COL24A1: variants seen among roughly 807,000 people sequenced by gnomAD.
COL24A1 encodes the protein collagen type XXIV alpha 1 chain.
COL24A1 carries 224 observed loss-of-function variants against 253.9 expected under a neutral mutation model. The observed-to-expected ratio is 0.88, with a 90% confidence interval of 0.79 to 0.99. COL24A1 has a LOEUF of 0.99. Among genes scored for constraint, COL24A1 ranks in the 50% least tolerant of loss-of-function variants. The pLI, the probability that COL24A1 is intolerant of heterozygous loss-of-function variation, is 0.00. For synonymous variants in COL24A1, 685 were observed against 673.7 expected (o/e 1.02, Z -0.26); for missense variants, 2,131 against 2,068.5 (o/e 1.03, Z -0.59).
intron 28 of COL24A1, 149 bp downstream of exon 28, chr1:85,907,045 G>A (rs1373537637): frequency 3.8e-5 from 21 of 553,304 alleles, no homozygotes; most frequent in Middle Eastern, 3.8e-4. Flanking sequence ...TTAACATAGG[G>A]CATTCATCTA....
chr1:85,868,440 T>G, intron 37 of COL24A1, 79 bp downstream of exon 37: 1 of 908,384 alleles, frequency 1.1e-6, no homozygotes. Flanking sequence ...GAGGTCAGAG[T>G]GTGTGTAGGT....
intron 12 of COL24A1, among the ~76,000 whole-genome samples, chr1:86,036,852 T>G (rs1571693021): frequency 6.6e-6 from 1 of 152,200 alleles, no homozygotes; most frequent in Admixed American, 6.6e-5. Flanking sequence ...TAGAAAATTA[T>G]TATCATTAAT....
At chr1:85,913,402 G>A (rs936310716) in intron 24 of COL24A1, among the ~76,000 whole-genome samples, 3 of 152,112 alleles carry the variant, frequency 2.0e-5, no homozygotes, top group Admixed American at 2.0e-4. Flanking sequence ...GTATTTTGGG[G>A]TCCAGGAATC....
chr1:85,864,160 T>C (rs1296783781), intron 37 of COL24A1, among the ~76,000 whole-genome samples: 1 of 152,070 alleles, frequency 6.6e-6, no homozygotes, highest in Non-Finnish European at 1.5e-5. Flanking sequence ...CAAATGTCCA[T>C]CAATGATAGA....
chr1:86,016,935 A>T (rs917655361), intron 19 of COL24A1, among the ~76,000 whole-genome samples: 1 of 152,214 alleles, frequency 6.6e-6, no homozygotes, highest in African/African-American at 2.4e-5. Context: ...GATCCTAATC[A>T]GTGTGAAAAT....
At chr1:86,050,588 A>G (rs1307283301) in intron 10 of COL24A1, among the ~76,000 whole-genome samples, 1 of 152,132 alleles carries the variant, frequency 6.6e-6, no homozygotes, top group Non-Finnish European at 1.5e-5. Context: ...GAAGGCTTCA[A>G]AGGAGATTAC....
At chr1:86,026,764 G>A (rs1213731169) in intron 14 of COL24A1, among the ~76,000 whole-genome samples, 1 of 152,180 alleles carries the variant, frequency 6.6e-6, no homozygotes, top group East Asian at 1.9e-4. Context: ...CTGGGTAACA[G>A]GCAGAGGCTG....
At position 85,783,624 on chromosome 1, in the gene COL24A1, T is replaced by C. The variant is rs139322616; in HGVS notation, c.4222-66A>G. 4,392 of 1,362,838 alleles carry C rather than the reference T, an allele frequency of 3.2e-3. 13 individuals carry two copies. Among genetic ancestry groups the C allele is most frequent in the Middle Eastern group, 5.1e-3 (28 of 5,502 alleles). The allele number at this position is 1,362,838 out of a possible 1,614,324, so 84.4% of individuals were successfully genotyped here. A position where few individuals can be genotyped will look rare whatever the true frequency, so the allele number is the denominator to read the frequency against. On this transcript the variant is annotated intron_variant, in intron 50 of 59. Transcript: ENST00000370571. Reference sequence around the variant, plus strand: ...TCTATATGAACATTTTACAAAACTATATAAATCTATCAAGAATTGCTCTTT... The same window carrying C: ...TCTATATGAACATTTTACAAAACTACATAAATCTATCAAGAATTGCTCTTT...
At chr1:85,777,765 A>G (rs1259200455) in intron 52 of COL24A1, among the ~76,000 whole-genome samples, 1 of 152,186 alleles carries the variant, frequency 6.6e-6, no homozygotes, top group Non-Finnish European at 1.5e-5. Flanking sequence ...CATTTTTACC[A>G]GTGATCAATG....
intron 16 of COL24A1, 80 bp from the exon 17 acceptor site, chr1:86,022,671 G>A (rs1320543994): frequency 7.0e-7 from 1 of 1,427,194 alleles, no homozygotes; most frequent in Non-Finnish European, 9.6e-7. Context: ...ATTCATTGTA[G>A]AAGAATAATT....
chr1:85,866,496 G>C (rs1679811717), intron 37 of COL24A1, among the ~76,000 whole-genome samples: 1 of 151,920 alleles, frequency 6.6e-6, no homozygotes, highest in Non-Finnish European at 1.5e-5. Context: ...TTTGGGAGCT[G>C]GGCATGGAGG....
chr1:86,050,982 A>G (rs1054947094), intron 10 of COL24A1, among the ~76,000 whole-genome samples: 1 of 152,164 alleles, frequency 6.6e-6, no homozygotes, highest in African/African-American at 2.4e-5. Context: ...TAGACTGTAT[A>G]TATTAGACAA....
In COL24A1 at chr1:86,124,826, TAA is replaced by T. The variant is rs755660305; in HGVS notation, c.1491+17_1491+18del. 41 of 1,299,470 alleles carry T rather than the reference TAA, an allele frequency of 3.2e-5. No individual in the cohort carries two copies. The highest frequency in any genetic ancestry group is 7.7e-5 in the African/African-American group (5 of 65,066). 80.5% of individuals were successfully genotyped at this position (1,299,470 alleles called of 1,614,324 possible). On this transcript the variant is annotated intron_variant, in intron 3 of 59. Transcript: ENST00000370571. ...TGTAAGTTAGCATATTAGGAGATATTAAAAAAAAAAAAACTTACGGGAGGTCC... is the reference window on the plus strand; with the variant it reads ...TGTAAGTTAGCATATTAGGAGATATTAAAAAAAAAAACTTACGGGAGGTCC...
chr1:86,110,788 G>T (rs1705486505), intron 5 of COL24A1, among the ~76,000 whole-genome samples: 1 of 152,160 alleles, frequency 6.6e-6, no homozygotes, highest in African/African-American at 2.4e-5. Context: ...GCAGGGCAGG[G>T]CTCCGGACCT....
chr1:85,958,377 T>TA, intron 24 of COL24A1, among the ~76,000 whole-genome samples: 1 of 152,150 alleles, frequency 6.6e-6, no homozygotes, highest in East Asian at 1.9e-4. Context: ...TACTATTTTT[T>TA]ATAGAATGCA....
chr1:85,906,687 A>G (rs1404867302), intron 28 of COL24A1, among the ~76,000 whole-genome samples: 1 of 151,942 alleles, frequency 6.6e-6, no homozygotes, highest in Non-Finnish European at 1.5e-5. Flanking sequence ...AATGTTTAAG[A>G]TACAACTTAA....
chr1:85,787,951 G>A (rs867834047), intron 47 of COL24A1, among the ~76,000 whole-genome samples: 6 of 152,060 alleles, frequency 3.9e-5, no homozygotes, highest in South Asian at 4.1e-4. Context: ...GTATCTCATC[G>A]TGGATTTGAT....
At chr1:86,120,348 A>G (rs575500892) in intron 3 of COL24A1, among the ~76,000 whole-genome samples, 33 of 152,354 alleles carry the variant, frequency 2.2e-4, no homozygotes, top group South Asian at 8.3e-4. Context: ...ATCAGAGCGA[A>G]CAGGAAACCT....
intron 24 of COL24A1, among the ~76,000 whole-genome samples, chr1:85,926,811 T>C (rs2103060455): frequency 6.6e-6 from 1 of 151,688 alleles, no homozygotes; most frequent in East Asian, 1.9e-4. Flanking sequence ...GAACTTAAAG[T>C]ATAATAATAA....
Sources: gnomAD v4.1 joint callset for allele counts (sites outside exome capture counted in the v4.1 genomes callset) on GRCh38, gnomAD v4.1.1 for gene constraint, MANE v1.5 for transcripts, NCBI Gene and HGNC (gene_info 2026-07-23, HGNC 2026-07-21) for gene names.